The following ZNF277 variants were observed in gnomAD, a reference collection of about 807,000 sequenced individuals.
The protein encoded by ZNF277 is zinc finger protein 277.
ZNF277 carries 55 observed loss-of-function variants against 60.7 expected under a neutral mutation model. The observed-to-expected ratio is 0.91, with a 90% CI of 0.73 to 1.13. ZNF277 has a LOEUF of 1.13. Ranked by LOEUF, ZNF277 falls within the 50% of genes most tolerant of loss-of-function variation. The pLI is 0.00. For synonymous variants in ZNF277, 178 were observed against 179.3 expected, an observed-to-expected ratio of 0.99 and a Z score of 0.06; for missense variants, 510 against 523.0, an observed-to-expected ratio of 0.98 and a Z score of 0.24.
At chr7:112,248,186 T>C (rs538595813) in intron 1 of ZNF277, among the ~76,000 whole-genome samples, 1 of 151,854 alleles carries the variant, frequency 6.6e-6, no homozygotes, top group African/African-American at 2.4e-5. Context: ...CATAAGAAAA[T>C]TTAATGTATT....
At position 112,340,895 on chromosome 7, in the gene ZNF277, A is replaced by G; in HGVS notation, c.1033A>G (p.Lys345Glu). The change falls in exon 11 of 12, where the codon AAA (lysine) becomes GAA (glutamate). Residue 345 changes from lysine to glutamate, a missense_variant. Transcript: ENST00000361822. ...AGGATTAAATTTCTATCAGCAAGTG[A>G]AACTGGTCAATTTTATTCGGAGGCA... The part of the protein sequence containing the change: ...ELGLNFYQQV[K>E]LVNFIRRQVH... The G allele has an allele frequency of 6.2e-7, 1 of 1,609,974 alleles. No homozygotes were observed. Among genetic ancestry groups the G allele is most frequent in the Non-Finnish European group, 8.5e-7 (1 of 1,178,590 alleles).
chr7:112,276,431 C>T (rs1202363643), intron 1 of ZNF277, among the ~76,000 whole-genome samples: 1 of 152,172 alleles, frequency 6.6e-6, no homozygotes, highest in Non-Finnish European at 1.5e-5. Flanking sequence ...CAAAGCTTAA[C>T]ACCTAAAACA....
chr7:112,291,780 A>G (rs576362354), intron 2 of ZNF277, among the ~76,000 whole-genome samples: 1 of 152,334 alleles, frequency 6.6e-6, no homozygotes, highest in South Asian at 2.1e-4. Flanking sequence ...TATGTGTTTA[A>G]TAACTAGGAT....
rs151212296 is a variant in ZNF277, at chr7:112,286,924, G to A, written c.143G>A (p.Gly48Asp). 5.0e-6 allele frequency: 8 copies of A among 1,603,180 alleles called. No individual in the cohort carries two copies. Among genetic ancestry groups the A allele is most frequent in the Non-Finnish European group, 6.8e-6 (8 of 1,177,618 alleles). ...CTTTCCCTGCCAGAAAGTCCAGGTGGCACCACCACTTTAGAAGGTTCTCCA... is the reference window on the plus strand; with the variant it reads ...CTTTCCCTGCCAGAAAGTCCAGGTGACACCACCACTTTAGAAGGTTCTCCA... The part of the protein sequence containing the change: ...EPLSLPESPG[G>D]TTTLEGSPSV... Residue 48 changes from glycine to aspartate, a missense_variant, in exon 2 of 12, where the codon GGC becomes GAC. Transcript: ENST00000361822.
chr7:112,261,295 C>T (rs1791433600), intron 1 of ZNF277, among the ~76,000 whole-genome samples: 2 of 152,160 alleles, frequency 1.3e-5, no homozygotes. Flanking sequence ...AAGACTGTCC[C>T]TCCTTTTACC....
At chr7:112,330,426 A>C (rs940423616) in intron 7 of ZNF277, 1 of 584,164 alleles carries the variant, frequency 1.7e-6, no homozygotes, top group South Asian at 2.2e-5. Context: ...TGTAGTAAAA[A>C]TGTCATGTCT....
At chr7:112,281,807 C>T (rs544025029) in intron 1 of ZNF277, among the ~76,000 whole-genome samples, 11 of 152,238 alleles carry the variant, frequency 7.2e-5, no homozygotes, top group African/African-American at 2.6e-4. Context: ...CTATTCCAGG[C>T]CACTGGATTC....
At chr7:112,336,063 T>C (rs1793324878) in intron 7 of ZNF277, 41 bp from the exon 8 acceptor site, 6 of 1,549,370 alleles carry the variant, frequency 3.9e-6, no homozygotes, top group Non-Finnish European at 5.3e-6. Flanking sequence ...CTCCCTTCTC[T>C]TTCCCCCAAT....
intron 1 of ZNF277, among the ~76,000 whole-genome samples, chr7:112,221,585 C>T (rs1822033205): frequency 6.6e-6 from 1 of 152,066 alleles, no homozygotes; most frequent in African/African-American, 2.4e-5. Context: ...CAGTGGGAGC[C>T]CTGAGCTTGT....
chr7:112,255,636 C>G (rs1563205579), intron 1 of ZNF277, among the ~76,000 whole-genome samples: 3 of 152,202 alleles, frequency 2.0e-5, no homozygotes, highest in Non-Finnish European at 4.4e-5. Context: ...TACAGTAATT[C>G]CTGCTACCCA....
At chr7:112,236,097 G>T (rs1790778771) in intron 1 of ZNF277, among the ~76,000 whole-genome samples, 2 of 152,014 alleles carry the variant, frequency 1.3e-5, no homozygotes, top group South Asian at 4.2e-4. Flanking sequence ...GATCTATATT[G>T]GTCTTTTCTG....
intron 7 of ZNF277, among the ~76,000 whole-genome samples, chr7:112,330,912 A>T (rs1322688200): frequency 6.6e-6 from 1 of 152,144 alleles, no homozygotes; most frequent in South Asian, 2.1e-4. Flanking sequence ...TCTATTCAAA[A>T]GAAACTGTTG....
intron 1 of ZNF277, among the ~76,000 whole-genome samples, chr7:112,261,526 T>G (rs2117024868): frequency 6.6e-6 from 1 of 152,254 alleles, no homozygotes. Context: ...GAGGAAAGAA[T>G]GATAACTCTG....
At chr7:112,323,312 G>T (rs528667368) in intron 5 of ZNF277, among the ~76,000 whole-genome samples, 1 of 152,294 alleles carries the variant, frequency 6.6e-6, no homozygotes, top group South Asian at 2.1e-4. Context: ...CCTATTGTTT[G>T]CTGCAATTAG....
At chr7:112,301,762 A>T (rs1792475774) in intron 4 of ZNF277, among the ~76,000 whole-genome samples, 1 of 152,184 alleles carries the variant, frequency 6.6e-6, no homozygotes, top group African/African-American at 2.4e-5. Flanking sequence ...TAGTTATTTT[A>T]AAATCTGTCT....
intron 1 of ZNF277, among the ~76,000 whole-genome samples, chr7:112,261,287 G>A (rs1791433263): frequency 6.6e-6 from 1 of 152,190 alleles, no homozygotes; most frequent in Non-Finnish European, 1.5e-5. Context: ...CATACTTGAA[G>A]ACTGTCCCTC....
chr7:112,328,451 C>T (rs553748931), intron 6 of ZNF277: 3 of 152,240 alleles, frequency 2.0e-5, no homozygotes, highest in Non-Finnish European at 4.4e-5. Context: ...CTTTCAAAAA[C>T]GTATCCACTT....
At chr7:112,313,282 A>ATTTT (rs58333831) in intron 4 of ZNF277, among the ~76,000 whole-genome samples, 2 of 145,794 alleles carry the variant, frequency 1.4e-5, no homozygotes, top group Non-Finnish European at 1.5e-5. Context: ...ATGTTTTAAA[A>ATTTT]TTTTTTTTTT....
intron 1 of ZNF277, among the ~76,000 whole-genome samples, chr7:112,219,202 G>C (rs902832127): frequency 1.3e-5 from 2 of 152,130 alleles, no homozygotes; most frequent in African/African-American, 4.8e-5. Context: ...TTTCTCTAAT[G>C]ATTAGTGATG....
Sources: gnomAD v4.1 joint callset for allele counts (sites outside exome capture counted in the v4.1 genomes callset) on GRCh38, gnomAD v4.1.1 for gene constraint, MANE v1.5 for transcripts, NCBI Gene and HGNC (gene_info 2026-07-23, HGNC 2026-07-21) for gene names.